The following UBXN7 variants were observed in gnomAD, a reference collection of about 807,000 sequenced individuals.
The protein encoded by UBXN7 is UBX domain protein 7, also known as UBX domain-containing protein 7.
A neutral mutation model predicts 58.0 loss-of-function variants in UBXN7; 9 were observed. The ratio of observed to expected loss-of-function variants is 0.16; its 90% confidence interval spans 0.09 to 0.27. UBXN7 has a LOEUF of 0.27. Among genes scored for constraint, UBXN7 ranks in the 10% least tolerant of loss-of-function variants. The pLI is 1.00. For synonymous variants in UBXN7, 208 were observed against 205.0 expected, an observed-to-expected ratio of 1.01 and a Z score of -0.12; for missense variants, 328 against 599.6, an observed-to-expected ratio of 0.55 and a Z score of 4.73.
At chr3:196,393,643 G>A (rs753918485) in intron 3 of UBXN7, 24 bp from the exon 4 acceptor site, 12 of 1,588,116 alleles carry the variant, frequency 7.6e-6, no homozygotes, top group Middle Eastern at 1.7e-4. Flanking sequence ...AAATAGAATT[G>A]AAAATTTTTT....
At chr3:196,416,647 A>T (rs1730496170) in intron 1 of UBXN7, among the ~76,000 whole-genome samples, 1 of 152,140 alleles carries the variant, frequency 6.6e-6, no homozygotes, top group African/African-American at 2.4e-5. Flanking sequence ...GCCTAGCCCA[A>T]GTCTTTTCCT....
intron 6 of UBXN7, among the ~76,000 whole-genome samples, chr3:196,371,091 G>A (rs1728820149): frequency 6.6e-6 from 1 of 152,120 alleles, no homozygotes; most frequent in South Asian, 2.1e-4. Flanking sequence ...AAAGTGACAT[G>A]TCTAAGAACA....
intron 8 of UBXN7, among the ~76,000 whole-genome samples, chr3:196,363,693 T>C (rs1728575612): frequency 6.6e-6 from 1 of 151,886 alleles, no homozygotes; most frequent in African/African-American, 2.4e-5. Flanking sequence ...TTTGGGAGGC[T>C]TGAGGCGGGC....
At chr3:196,421,149 T>G (rs1262169578) in intron 1 of UBXN7, among the ~76,000 whole-genome samples, 1 of 152,170 alleles carries the variant, frequency 6.6e-6, no homozygotes, top group Non-Finnish European at 1.5e-5. Context: ...CAGAAAAAAC[T>G]GAGTACAGAG....
chr3:196,366,402 G>A (rs1362491756), intron 8 of UBXN7, among the ~76,000 whole-genome samples: 1 of 151,356 alleles, frequency 6.6e-6, no homozygotes, highest in East Asian at 1.9e-4. Flanking sequence ...TGTAGTCCTA[G>A]CTACTCAGGA....
intron 5 of UBXN7, among the ~76,000 whole-genome samples, chr3:196,376,545 C>CAAAAAAAAAAAA (rs777458391): frequency 1.2e-4 from 6 of 50,900 alleles, no homozygotes; most frequent in African/African-American, 3.0e-4. Context: ...GACTCTGTCT[C>CAAAAAAAAAAAA]AAAAAAAAAA....
In UBXN7 at chr3:196,403,034, T is replaced by C; in HGVS notation, c.222-15A>G. 6.3e-7 allele frequency: 1 copy of C among 1,579,604 alleles called. No individual in the cohort carries two copies. Among genetic ancestry groups the C allele is most frequent in the Non-Finnish European group, 8.5e-7 (1 of 1,170,928 alleles). On this transcript the variant is annotated splice_polypyrimidine_tract_variant and intron_variant, in intron 2 of 10. Transcript: ENST00000296328. ...GAACTTCTTCTCTATTAAAAAAAAA[T>C]GGGAAAATAAAAAATGAAAACTGTT...
rs1483185067 is a variant in UBXN7, at chr3:196,372,028, G to A, written c.483C>T (p.Gly161=). 4.4e-6 allele frequency: 7 copies of A among 1,607,718 alleles called. No individual in the cohort carries two copies. The highest frequency in any genetic ancestry group is 5.1e-6 in the Non-Finnish European group (6 of 1,177,924). The change falls in exon 6 of 11, where the codon GGC becomes GGT. Residue 161 remains glycine (G), a synonymous_variant. Transcript: ENST00000296328. The part of the protein sequence containing the change: ...KGSFETAKEC[G]QMQNKWLMIN... Reference sequence around the variant, plus strand: ...TCATCAGCCACTTATTTTGCATCTGGCCACACTCTTTGGCCTGCAAGAGTA... The same window carrying A: ...TCATCAGCCACTTATTTTGCATCTGACCACACTCTTTGGCCTGCAAGAGTA...
In UBXN7 at chr3:196,396,353, G is replaced by A. The variant is rs952615489; in HGVS notation, c.290-2734C>T. On this transcript the variant is annotated intron_variant, in intron 3 of 10. Transcript: ENST00000296328. ...ATGTGAGAGGATCGCTTGAGCCAAGGAGTTCGAGTACAGTCTGTGCAACAT... is the reference window on the plus strand; with the variant it reads ...ATGTGAGAGGATCGCTTGAGCCAAGAAGTTCGAGTACAGTCTGTGCAACAT... Among the ~76,000 whole-genome samples, 3 of 150,542 alleles carry A rather than the reference G, an allele frequency of 2.0e-5. 1 individual carries two copies. In the Admixed American group the frequency reaches 2.0e-4, roughly 10 times the overall value.
chr3:196,357,399 G>A (rs1011354505), intron 10 of UBXN7, among the ~76,000 whole-genome samples: 6 of 152,202 alleles, frequency 3.9e-5, no homozygotes, highest in Non-Finnish European at 7.3e-5. Flanking sequence ...CAAACGGCCA[G>A]CAATGCCTGA....
intron 1 of UBXN7, among the ~76,000 whole-genome samples, chr3:196,422,410 C>T (rs1235319327): frequency 6.6e-6 from 1 of 151,316 alleles, no homozygotes. Flanking sequence ...ACCCCAGGAG[C>T]TTGAGGCTGC....
At chr3:196,376,779 C>T (rs1318726040) in intron 5 of UBXN7, among the ~76,000 whole-genome samples, 1 of 151,716 alleles carries the variant, frequency 6.6e-6, no homozygotes, top group African/African-American at 2.4e-5. Flanking sequence ...GGTCCAGTGG[C>T]TCACACTGGT....
At position 196,393,834 on chromosome 3, in the gene UBXN7, C is replaced by T. The variant is rs567099248; in HGVS notation, c.290-215G>A. On this transcript the variant is annotated intron_variant, in intron 3 of 10. Transcript: ENST00000296328. ...GCACAGTATTTCTTGTTTTAAAACA[C>T]TCAAGATTCATATGGTGCCTTCCCT... is the stretch of plus-strand genomic sequence containing the variant. The T allele has an allele frequency of 1.2e-4, 42 of 358,796 alleles. 1 individual carries two copies. In the South Asian group the frequency reaches 2.1e-3, roughly 18 times the overall value. 22.2% of individuals were successfully genotyped at this position (358,796 alleles called of 1,614,324 possible).
At chr3:196,358,852 G>T (rs1256218886) in intron 10 of UBXN7, among the ~76,000 whole-genome samples, 9 of 150,838 alleles carry the variant, frequency 6.0e-5, no homozygotes, top group Non-Finnish European at 8.9e-5. Flanking sequence ...ACAGAGACAG[G>T]GTCTCGCTTT....
At chr3:196,381,866 G>A (rs562641084) in intron 5 of UBXN7, among the ~76,000 whole-genome samples, 1 of 152,162 alleles carries the variant, frequency 6.6e-6, no homozygotes, top group African/African-American at 2.4e-5. Context: ...TAGCTGATTT[G>A]ATCAAGTGGA....
chr3:196,424,513 A>G (rs1360744203), intron 1 of UBXN7, among the ~76,000 whole-genome samples: 2 of 148,472 alleles, frequency 1.3e-5, no homozygotes, highest in African/African-American at 5.0e-5. Flanking sequence ...TCCCAAGTCA[A>G]CCAGGATTAC....
Position 196,403,757 on chromosome 3 carries a change from G to C in UBXN7, c.222-738C>G, listed in dbSNP as rs1410080508. Among the ~76,000 whole-genome samples, 26 of 152,232 alleles carry C rather than the reference G, an allele frequency of 1.7e-4. 2 individuals are homozygous for C. The highest frequency in any genetic ancestry group is 1.6e-3 in the Admixed American group (25 of 15,292). The stretch of plus-strand genomic sequence containing the variant: ...AGGCAGTGAATTTCATGCTAATTAT[G>C]AAAGAGGCTAACAGGTATGATCTTG... On this transcript the variant is annotated intron_variant, in intron 2 of 10. Coordinates refer to ENST00000296328, the MANE Select transcript of UBXN7 (RefSeq NM_015562.2).
At chr3:196,400,693 T>C (rs1019664303) in intron 3 of UBXN7, 10 of 348,976 alleles carry the variant, frequency 2.9e-5, no homozygotes, top group Admixed American at 8.4e-5. Context: ...TAAGCAAGGA[T>C]TGTATCACTG....
At chr3:196,405,933 A>T (rs900271199) in intron 2 of UBXN7, among the ~76,000 whole-genome samples, 1 of 152,228 alleles carries the variant, frequency 6.6e-6, no homozygotes, top group Non-Finnish European at 1.5e-5. Context: ...TTGAGAAAAC[A>T]TGTTTTATAC....
Sources: gnomAD v4.1 joint callset for allele counts (sites outside exome capture counted in the v4.1 genomes callset) on GRCh38, gnomAD v4.1.1 for gene constraint, MANE v1.5 for transcripts, NCBI Gene and HGNC (gene_info 2026-07-23, HGNC 2026-07-21) for gene names.